CSGALNACT1: variants seen among roughly 807,000 people sequenced by gnomAD.
CSGALNACT1 encodes the protein beta4GalNAcT-1.
CSGALNACT1 carries 52 observed loss-of-function variants against 51.0 expected under a neutral mutation model. That is an observed-to-expected ratio of 1.02 (90% CI 0.82 to 1.29). The LOEUF (loss-of-function observed/expected upper bound fraction) is 1.29, where lower values mean the gene tolerates loss of function less well. Among genes scored for constraint, CSGALNACT1 ranks in the 50% most tolerant of loss-of-function variants. The pLI is 0.00. For synonymous variants in CSGALNACT1, 341 were observed against 254.4 expected, an observed-to-expected ratio of 1.34 and a Z score of -3.24; for missense variants, 935 against 679.2, an observed-to-expected ratio of 1.38 and a Z score of -4.19.
chr8:19,409,867 AT>A (rs927827924), intron 8 of CSGALNACT1, among the ~76,000 whole-genome samples: 10 of 150,708 alleles, frequency 6.6e-5, no homozygotes, highest in Non-Finnish European at 7.4e-5. Context: ...TCATGCATCT[AT>A]TTTTTTTTCC....
chr8:19,613,451 T>C (rs964251470), intron 1 of CSGALNACT1, among the ~76,000 whole-genome samples: 2 of 152,230 alleles, frequency 1.3e-5, no homozygotes, highest in Non-Finnish European at 2.9e-5. Context: ...GCGCACACTA[T>C]TTTCTAACTT....
At chr8:19,575,116 G>C (rs1326385310) in intron 3 of CSGALNACT1, among the ~76,000 whole-genome samples, 1 of 152,010 alleles carries the variant, frequency 6.6e-6, no homozygotes, top group Admixed American at 6.5e-5. Context: ...TGCCTTGTCT[G>C]CCAACTCACA....
intron 3 of CSGALNACT1, among the ~76,000 whole-genome samples, chr8:19,543,901 G>C (rs1033175227): frequency 3.3e-5 from 5 of 152,056 alleles, no homozygotes; most frequent in African/African-American, 9.7e-5. Context: ...TTTACCAGTC[G>C]ATCATTAACA....
chr8:19,682,955 C>T (rs189574469), upstream of CSGALNACT1: 25 of 303,818 alleles, frequency 8.2e-5, no homozygotes, highest in Admixed American at 5.0e-4. Flanking sequence ...TAGTTCACTT[C>T]GCTGCAGTCC....
intron 8 of CSGALNACT1, among the ~76,000 whole-genome samples, chr8:19,417,933 T>C (rs1396257938): frequency 6.6e-6 from 1 of 152,150 alleles, no homozygotes; most frequent in East Asian, 1.9e-4. Context: ...GCTGCTTGCA[T>C]TGCTTCTCTG....
chr8:19,501,666 G>T (rs1178621002), intron 4 of CSGALNACT1, among the ~76,000 whole-genome samples: 3 of 152,230 alleles, frequency 2.0e-5, no homozygotes, highest in South Asian at 2.1e-4. Context: ...GATTGTGAAA[G>T]AGAGTTCGGA....
At chr8:19,516,577 G>A (rs1345999131) in intron 3 of CSGALNACT1, among the ~76,000 whole-genome samples, 1 of 152,158 alleles carries the variant, frequency 6.6e-6, no homozygotes, top group African/African-American at 2.4e-5. Flanking sequence ...TCAACAGCTA[G>A]GCAAACTCAC....
intron 3 of CSGALNACT1, among the ~76,000 whole-genome samples, chr8:19,509,626 A>AG (rs1357582504): frequency 7.4e-6 from 1 of 135,694 alleles, no homozygotes; most frequent in African/African-American, 3.6e-5. Context: ...TGTCTCAAAA[A>AG]AAAAAAAAAA....
intron 5 of CSGALNACT1, among the ~76,000 whole-genome samples, chr8:19,443,982 A>C (rs781016095): frequency 2.0e-5 from 3 of 152,176 alleles, no homozygotes; most frequent in Non-Finnish European, 2.9e-5. Context: ...TAGATCCCTT[A>C]CATCTGCGGT....
chr8:19,738,371 T>C (rs1401138383), intron 1 of CSGALNACT1, among the ~76,000 whole-genome samples: 1 of 152,184 alleles, frequency 6.6e-6, no homozygotes. Flanking sequence ...AAATAAACCA[T>C]TCACAAAAGG....
upstream of CSGALNACT1, among the ~76,000 whole-genome samples, chr8:19,603,656 C>T (rs1012475583): frequency 1.3e-5 from 2 of 152,242 alleles, no homozygotes; most frequent in Admixed American, 1.3e-4. Flanking sequence ...TCCAATCCAT[C>T]TCACATTCTG....
chr8:19,554,236 G>A (rs1431029239), intron 3 of CSGALNACT1, among the ~76,000 whole-genome samples: 2 of 152,166 alleles, frequency 1.3e-5, no homozygotes, highest in African/African-American at 4.8e-5. Context: ...ACTGGTAACA[G>A]ATTTATCATC....
chr8:19,605,663 C>T (rs1463332992), upstream of CSGALNACT1, among the ~76,000 whole-genome samples: 1 of 152,114 alleles, frequency 6.6e-6, no homozygotes, highest in Non-Finnish European at 1.5e-5. Context: ...AGAAACCATC[C>T]ATGGAAAAAT....
chr8:19,517,437 T>A lies in CSGALNACT1; in HGVS notation c.-296-11307A>T, dbSNP rs113703385. On this transcript the variant is annotated intron_variant, in intron 3 of 9. Transcript: ENST00000454498. Reference sequence around the variant, plus strand: ...CATAGTCAACAAGAGTGAAACTCCATCTCAAAAAAAAGAAAAGAAGAAAAA... The same window carrying A: ...CATAGTCAACAAGAGTGAAACTCCAACTCAAAAAAAAGAAAAGAAGAAAAA... 7.5e-3 allele frequency among the ~76,000 whole-genome samples: 1,138 copies of A among 151,910 alleles called. 14 individuals are homozygous for A. The highest frequency in any genetic ancestry group is 0.026 in the African/African-American group (1,078 of 41,386).
chr8:19,496,929 C>T (rs146446787), intron 4 of CSGALNACT1, among the ~76,000 whole-genome samples: 10 of 152,208 alleles, frequency 6.6e-5, no homozygotes, highest in South Asian at 2.1e-4. Flanking sequence ...GTGCAGCCGG[C>T]GGGAGGGGAC....
chr8:19,457,617 A>C, intron 5 of CSGALNACT1: 1 of 1,248,602 alleles, frequency 8.0e-7, no homozygotes, highest in South Asian at 1.2e-5. Flanking sequence ...CATCTCAAAA[A>C]AAAAGAAATA....
At chr8:19,485,759 C>CTTT (rs386412239) in intron 4 of CSGALNACT1, among the ~76,000 whole-genome samples, 17,934 of 38,382 alleles carry the variant, frequency 0.47, 7,711 homozygotes, top group East Asian at 0.74. Flanking sequence ...CCTCAGCTTG[C>CTTT]TTTTTTTTTT....
At chr8:19,634,416 C>T (rs2154172090) in intron 1 of CSGALNACT1, among the ~76,000 whole-genome samples, 1 of 152,188 alleles carries the variant, frequency 6.6e-6, no homozygotes, top group East Asian at 1.9e-4. Flanking sequence ...GTAATCCCAG[C>T]AGAGAGAGGC....
chr8:19,517,440 C>CA (rs1192369356), intron 3 of CSGALNACT1, among the ~76,000 whole-genome samples: 9 of 151,342 alleles, frequency 5.9e-5, no homozygotes, highest in Non-Finnish European at 1.2e-4. Flanking sequence ...AACTCCATCT[C>CA]AAAAAAAAGA....
Sources: allele counts gnomAD v4.1 joint callset (sites outside exome capture counted in the v4.1 genomes callset), GRCh38; gene constraint gnomAD v4.1.1; transcripts MANE v1.5; gene names NCBI Gene and HGNC (gene_info 2026-07-23, HGNC 2026-07-21).